The following TANGO6 variants were observed in gnomAD, a reference collection of about 807,000 sequenced individuals.
The protein encoded by TANGO6 is transport and golgi organization 6 homolog, also known as transport and Golgi organization protein 6 homolog.
Under a neutral mutation model 114.2 loss-of-function variants are expected in TANGO6, and 90 were observed. That is an observed-to-expected ratio of 0.79 (90% CI 0.66 to 0.94). The LOEUF is 0.94. Ranked by LOEUF, TANGO6 falls within the 40% of genes least tolerant of loss-of-function variation. The probability of loss-of-function intolerance (pLI) is 0.00; values close to 1 mark genes in which losing one functional copy is unlikely to be tolerated. For synonymous variants in TANGO6, 477 were observed against 509.8 expected, an observed-to-expected ratio of 0.94 and a Z score of 0.87; for missense variants, 1,274 against 1,315.3, an observed-to-expected ratio of 0.97 and a Z score of 0.49.
intron 14 of TANGO6, among the ~76,000 whole-genome samples, chr16:68,946,091 T>G (rs1963411482): frequency 6.6e-6 from 1 of 152,214 alleles, no homozygotes; most frequent in Non-Finnish European, 1.5e-5. Flanking sequence ...TTGCAGATAT[T>G]TTCTGCCATC....
intron 17 of TANGO6, among the ~76,000 whole-genome samples, chr16:69,051,000 A>C (rs1173121848): frequency 6.6e-6 from 1 of 151,872 alleles, no homozygotes; most frequent in Non-Finnish European, 1.5e-5. Context: ...TTTATTGTTG[A>C]TTTATTTATT....
intron 7 of TANGO6, among the ~76,000 whole-genome samples, chr16:68,895,585 C>T (rs1368735806): frequency 6.6e-6 from 1 of 152,056 alleles, no homozygotes; most frequent in Non-Finnish European, 1.5e-5. Context: ...CTCTAAAGTG[C>T]AATTGGAATT....
chr16:68,893,430 T>C (rs117525767), intron 7 of TANGO6, among the ~76,000 whole-genome samples: 3 of 152,156 alleles, frequency 2.0e-5, no homozygotes, highest in Non-Finnish European at 4.4e-5. Flanking sequence ...GGAACATCTT[T>C]ATCGTAGGTA....
intron 7 of TANGO6, among the ~76,000 whole-genome samples, chr16:68,893,859 A>G (rs1051132179): frequency 6.6e-6 from 1 of 151,848 alleles, no homozygotes; most frequent in African/African-American, 2.4e-5. Flanking sequence ...TGATCAGGGA[A>G]GACCTGCCCC....
chr16:68,967,470 G>T (rs1358419530), intron 14 of TANGO6, among the ~76,000 whole-genome samples: 1 of 152,134 alleles, frequency 6.6e-6, no homozygotes, highest in Non-Finnish European at 1.5e-5. Flanking sequence ...GCAACCTGGG[G>T]GTTGGGGACC....
At chr16:69,048,082 T>C (rs1258631621) in intron 17 of TANGO6, among the ~76,000 whole-genome samples, 1 of 151,768 alleles carries the variant, frequency 6.6e-6, no homozygotes, top group Non-Finnish European at 1.5e-5. Context: ...AGTTTTTTTT[T>C]CTTTTCTTTT....
At chr16:68,877,702 G>A (rs1962387876) in intron 5 of TANGO6, among the ~76,000 whole-genome samples, 1 of 151,846 alleles carries the variant, frequency 6.6e-6, no homozygotes, top group Non-Finnish European at 1.5e-5. Context: ...CTGCTTCCCA[G>A]GTTCACACCA....
chr16:69,052,269 C>CT (rs34982291), intron 17 of TANGO6, among the ~76,000 whole-genome samples: 16,574 of 122,300 alleles, frequency 0.14, 2,558 homozygotes, highest in African/African-American at 0.38. Flanking sequence ...TTTTTCTTTT[C>CT]TTTTTTTTTT....
At chr16:68,856,029 A>G (rs1057379758) in intron 1 of TANGO6, among the ~76,000 whole-genome samples, 1 of 152,090 alleles carries the variant, frequency 6.6e-6, no homozygotes, top group Admixed American at 6.6e-5. Flanking sequence ...GTTGTTTTAT[A>G]GAGTCCTTAG....
intron 1 of TANGO6, among the ~76,000 whole-genome samples, chr16:68,853,411 A>G (rs1482718873): frequency 6.6e-6 from 1 of 152,130 alleles, no homozygotes; most frequent in Non-Finnish European, 1.5e-5. Flanking sequence ...ATTATCCCAG[A>G]AAGTTCCCTT....
intron 17 of TANGO6, among the ~76,000 whole-genome samples, chr16:69,078,179 A>G (rs1186211705): frequency 1.3e-5 from 2 of 152,238 alleles, no homozygotes; most frequent in African/African-American, 4.8e-5. Flanking sequence ...TTGTTCAGGC[A>G]AGAAAAGAAA....
chr16:68,902,722 G>GAAA (rs1962801657), intron 9 of TANGO6, among the ~76,000 whole-genome samples: 1 of 152,162 alleles, frequency 6.6e-6, no homozygotes, highest in Non-Finnish European at 1.5e-5. Context: ...ATTTACTGGA[G>GAAA]CCTCACAGCT....
At chr16:68,852,466 T>C (rs151201525) in intron 1 of TANGO6, among the ~76,000 whole-genome samples, 2 of 152,186 alleles carry the variant, frequency 1.3e-5, no homozygotes, top group Admixed American at 1.3e-4. Context: ...AAAAAAAAAA[T>C]TTAGTTTATT....
intron 17 of TANGO6, among the ~76,000 whole-genome samples, chr16:69,055,276 C>T (rs1206674748): frequency 6.6e-6 from 1 of 152,170 alleles, no homozygotes; most frequent in Admixed American, 6.6e-5. Flanking sequence ...TGAACAACCA[C>T]GTTGTGGGAA....
At chr16:69,000,646 C>T (rs1311365673) in intron 15 of TANGO6, among the ~76,000 whole-genome samples, 1 of 151,870 alleles carries the variant, frequency 6.6e-6, no homozygotes, top group Non-Finnish European at 1.5e-5. Flanking sequence ...GGCTGGAGTG[C>T]AGTGGCATAA....
chr16:68,854,618 G>GTT (rs572025557), intron 1 of TANGO6, among the ~76,000 whole-genome samples: 19 of 138,212 alleles, frequency 1.4e-4, no homozygotes, highest in Middle Eastern at 3.9e-3. Flanking sequence ...AAAGGTCAAA[G>GTT]TTTTTTTTTT....
intron 17 of TANGO6, among the ~76,000 whole-genome samples, chr16:69,042,954 T>G (rs1334947591): frequency 6.6e-6 from 1 of 152,080 alleles, no homozygotes; most frequent in Non-Finnish European, 1.5e-5. Flanking sequence ...TCGGGTGCAG[T>G]GGCTCACCGC....
chr16:68,913,005 G>A (rs1227244442), intron 11 of TANGO6, among the ~76,000 whole-genome samples: 3 of 151,104 alleles, frequency 2.0e-5, no homozygotes, highest in Admixed American at 6.6e-5. Flanking sequence ...ACTTGAACCC[G>A]GGAGGCGGAG....
intron 17 of TANGO6, among the ~76,000 whole-genome samples, chr16:69,067,369 G>A: frequency 6.6e-6 from 1 of 151,654 alleles, no homozygotes; most frequent in East Asian, 1.9e-4. Flanking sequence ...AATTAGCCAG[G>A]CGTGTTGGCG....
Sources: gnomAD v4.1 joint callset for allele counts (sites outside exome capture counted in the v4.1 genomes callset) on GRCh38, gnomAD v4.1.1 for gene constraint, MANE v1.5 for transcripts, NCBI Gene and HGNC (gene_info 2026-07-23, HGNC 2026-07-21) for gene names.